Variants in DDX19A observed in about 807,000 individuals in gnomAD.
DDX19A encodes DEAD-box helicase 19A.
DDX19A carries 12 observed loss-of-function variants against 60.6 expected under a neutral mutation model. The observed-to-expected ratio is 0.20, with a 90% CI of 0.13 to 0.32. The LOEUF is 0.32. Among genes scored for constraint, DDX19A ranks in the 10% least tolerant of loss-of-function variants. DDX19A has a pLI of 1.00. For synonymous variants in DDX19A, 206 were observed against 218.2 expected, an observed-to-expected ratio of 0.94 and a Z score of 0.49; for missense variants, 337 against 600.6, an observed-to-expected ratio of 0.56 and a Z score of 4.59.
intron 8 of DDX19A, 73 bp from the exon 9 acceptor site, chr16:70,366,551 C>T (rs1964525427): frequency 6.3e-7 from 1 of 1,592,720 alleles, no homozygotes; most frequent in African/African-American, 1.3e-5. Flanking sequence ...CTAGACCCTC[C>T]CAGCTGGGGA....
intron 2 of DDX19A, among the ~76,000 whole-genome samples, chr16:70,352,209 A>G (rs764494954): frequency 2.0e-5 from 3 of 151,988 alleles, no homozygotes; most frequent in East Asian, 1.9e-4. Context: ...TGATATATAC[A>G]GTATACTTAC....
rs749506982 is a variant in DDX19A, at chr16:70,366,112, A to G, written c.632A>G (p.Gln211Arg). Reference protein sequence around the residue: ...KLERGQKISEQIVIGTPGTVL... With the variant: ...KLERGQKISERIVIGTPGTVL... ...GAAAGAGGCCAGAAGATCAGTGAGC[A>G]GATTGTCATTGGCACCCCTGGGACC... is the stretch of plus-strand genomic sequence containing the variant. Residue 211 changes from glutamine (Q) to arginine (R), a missense_variant, in exon 8 of 12, where the codon CAG (glutamine) becomes CGG (arginine). Gln to Arg is a conservative substitution (Grantham distance 43). Transcript: ENST00000302243. The G allele has an allele frequency of 1.2e-6, 2 of 1,614,164 alleles. No individual in the cohort carries two copies. The highest frequency in any genetic ancestry group is 1.7e-6 in the Non-Finnish European group (2 of 1,180,026).
intron 4 of DDX19A, among the ~76,000 whole-genome samples, chr16:70,359,871 T>C (rs1964317937): frequency 6.6e-6 from 1 of 152,106 alleles, no homozygotes; most frequent in South Asian, 2.1e-4. Flanking sequence ...TAGTTAGTGT[T>C]TGTCTGTTTA....
rs567443502 is a variant in DDX19A, at chr16:70,354,848, T to C, written c.107-637T>C. Among the ~76,000 whole-genome samples the C allele has an allele frequency of 9.5e-4, 144 of 151,980 alleles. 3 individuals are homozygous for C. The South Asian group carries it at 0.029, about 30-fold the overall frequency. On this transcript the variant is annotated intron_variant, in intron 2 of 11. Transcript: ENST00000302243. ...CCTGTAGTGCTAGCTACTCAGGAGGTTAAGGCAGGAGGATGTGGTGGCATG... is the reference window on the plus strand; with the variant it reads ...CCTGTAGTGCTAGCTACTCAGGAGGCTAAGGCAGGAGGATGTGGTGGCATG...
At chr16:70,356,854 A>G (rs1288596841) in intron 4 of DDX19A, 13 of 1,267,888 alleles carry the variant, frequency 1.0e-5, no homozygotes, top group Non-Finnish European at 1.2e-5. Flanking sequence ...AGAACTTTCA[A>G]TAAAATATTG....
At chr16:70,360,295 T>A (rs1433057454) in intron 4 of DDX19A, among the ~76,000 whole-genome samples, 3 of 132,150 alleles carry the variant, frequency 2.3e-5, no homozygotes, top group Non-Finnish European at 3.2e-5. Flanking sequence ...AAAAAAATTT[T>A]TTTTTTCTTT....
chr16:70,370,440 T>A, intron 10 of DDX19A, 55 bp downstream of exon 10: 2 of 1,579,622 alleles, frequency 1.3e-6, no homozygotes, highest in Non-Finnish European at 1.7e-6. Flanking sequence ...CCAGGCCCAA[T>A]TAGAGCCAGA....
chr16:70,365,176 T>C (rs1187950604), intron 7 of DDX19A, 45 bp downstream of exon 7: 2 of 1,370,996 alleles, frequency 1.5e-6, no homozygotes, highest in Non-Finnish European at 2.1e-6. Context: ...GGGTAGGGGG[T>C]TGGGCGTTTG....
intron 1 of DDX19A, among the ~76,000 whole-genome samples, chr16:70,348,964 G>A (rs1963934427): frequency 6.6e-6 from 1 of 152,088 alleles, no homozygotes; most frequent in East Asian, 1.9e-4. Flanking sequence ...AAAAGGGAAT[G>A]GTGAGTTCAG....
chr16:70,357,042 T>G (rs1227587798), intron 4 of DDX19A: 2 of 290,078 alleles, frequency 6.9e-6, no homozygotes, highest in African/African-American at 2.3e-5. Flanking sequence ...AGGTCAGGAG[T>G]TCAAGACCAG....
rs1567659864 is a variant in DDX19A, at chr16:70,372,548, C to G, written c.*562C>G. 2 of 159,602 alleles carry G rather than the reference C, an allele frequency of 1.3e-5. No homozygotes were observed. Among genetic ancestry groups the G allele is most frequent in the East Asian group, 3.7e-4 (2 of 5,420 alleles). The allele number at this position is 159,602 out of a possible 1,614,324, so 9.9% of individuals were successfully genotyped here. ...TGCTCATCCCTTCTCCCTTTCACTT[C>G]TGTTCTCTGCTGCAGAAAGCAGACT... is the stretch of plus-strand genomic sequence containing the variant. On this transcript the variant is annotated 3_prime_UTR_variant, in exon 12 of 12. Coordinates refer to ENST00000302243, the MANE Select transcript of DDX19A (RefSeq NM_018332.5).
chr16:70,353,784 C>T (rs1229958800), intron 2 of DDX19A, among the ~76,000 whole-genome samples: 1 of 151,788 alleles, frequency 6.6e-6, no homozygotes, highest in Non-Finnish European at 1.5e-5. Flanking sequence ...GCCTGTAGTC[C>T]CAGCTACTCG....
chr16:70,352,389 A>G (rs1964043984), intron 2 of DDX19A, among the ~76,000 whole-genome samples: 1 of 149,166 alleles, frequency 6.7e-6, no homozygotes, highest in Non-Finnish European at 1.5e-5. Flanking sequence ...GGTTCAAGCG[A>G]TTCTCCTGCC....
Position 70,370,213 on chromosome 16 carries a change from T to C in DDX19A, c.1021-10T>C, listed in dbSNP as rs1220154161. 3 of 1,603,948 alleles carry C rather than the reference T, an allele frequency of 1.9e-6. No homozygotes were observed. The highest frequency in any genetic ancestry group is 2.5e-6 in the Non-Finnish European group (3 of 1,177,522). On this transcript the variant is annotated splice_polypyrimidine_tract_variant and intron_variant, in intron 9 of 11. Coordinates refer to ENST00000302243, the MANE Select transcript of DDX19A (RefSeq NM_018332.5). ...ATACTTTCATTTCTCAATTGTTTTT[T>C]TTCTTCCAGACTCGCAAAACAGCTA...
chr16:70,359,751 A>C (rs1964314901), intron 4 of DDX19A, among the ~76,000 whole-genome samples: 1 of 151,908 alleles, frequency 6.6e-6, no homozygotes, highest in African/African-American at 2.4e-5. Flanking sequence ...CCAGCTACTC[A>C]AGGGTGGGAG....
chr16:70,367,008 G>A lies in DDX19A; in HGVS notation c.1020+147G>A, dbSNP rs1597539776. ...AGAGACAGGCTCTCCTTTAGTGGGG[G>A]TAATGGTAGTATCCCAAGGGATACA... is the stretch of plus-strand genomic sequence containing the variant. On this transcript the variant is annotated intron_variant, in intron 9 of 11. Transcript: ENST00000302243. The A allele has an allele frequency of 1.1e-5, 10 of 910,946 alleles. No individual in the cohort carries two copies. In the East Asian group the frequency reaches 2.2e-4, roughly 20 times the overall value. 56.4% of individuals were successfully genotyped at this position (910,946 alleles called of 1,614,324 possible). A position where few individuals can be genotyped will look rare whatever the true frequency, so the allele number is the denominator to read the frequency against.
intron 3 of DDX19A, 108 bp from the exon 4 acceptor site, chr16:70,356,004 A>T: frequency 1.4e-6 from 2 of 1,419,228 alleles, no homozygotes; most frequent in Non-Finnish European, 1.9e-6. Context: ...GTTTTTCTCC[A>T]GCCGTGCTTG....
intron 2 of DDX19A, among the ~76,000 whole-genome samples, chr16:70,353,553 C>T (rs182599948): frequency 6.6e-6 from 1 of 151,860 alleles, no homozygotes; most frequent in Non-Finnish European, 1.5e-5. Context: ...AAAAGTTTGA[C>T]TATTAATTCT....
intron 2 of DDX19A, among the ~76,000 whole-genome samples, chr16:70,355,182 T>A (rs1371384793): frequency 6.6e-6 from 1 of 151,874 alleles, no homozygotes; most frequent in Non-Finnish European, 1.5e-5. Context: ...TTCAAGACCA[T>A]CCTGGCCAAC....
Sources: gnomAD v4.1 joint callset for allele counts (sites outside exome capture counted in the v4.1 genomes callset) on GRCh38, gnomAD v4.1.1 for gene constraint, MANE v1.5 for transcripts, NCBI Gene and HGNC (gene_info 2026-07-23, HGNC 2026-07-21) for gene names.